Variants in TLE2 observed in about 807,000 individuals in gnomAD.
TLE2 encodes the protein TLE family member 2, transcriptional corepressor.
A neutral mutation model predicts 97.2 loss-of-function variants in TLE2; 74 were observed. The ratio of observed to expected loss-of-function variants is 0.76; its 90% CI spans 0.63 to 0.92. TLE2 has a LOEUF of 0.92. TLE2 is among the 40% of genes least tolerant of loss of function. The pLI is 0.00. For synonymous variants in TLE2, 499 were observed against 432.1 expected (o/e 1.15, Z -1.92); for missense variants, 1,038 against 1,008.7 (o/e 1.03, Z -0.39).
At chr19:3,036,716 T>C (rs912094871) in intron 1 of TLE2, among the ~76,000 whole-genome samples, 21 of 150,868 alleles carry the variant, frequency 1.4e-4, no homozygotes, top group Admixed American at 6.6e-5. Flanking sequence ...TTTACCCAGA[T>C]GCACAGTGAG....
intron 17 of TLE2, 143 bp downstream of exon 17, chr19:3,005,294 G>A: frequency 8.6e-7 from 1 of 1,168,208 alleles, no homozygotes. Flanking sequence ...CTGTGGATGT[G>A]TCTGGGGGAC....
intron 9 of TLE2, among the ~76,000 whole-genome samples, 199 bp from the exon 10 acceptor site, chr19:3,014,813 G>A (rs2089668144): frequency 6.6e-6 from 1 of 152,052 alleles, no homozygotes; most frequent in African/African-American, 2.4e-5. Context: ...GGGAGGCAGG[G>A]CAGGTGGGCA....
At chr19:3,018,225 G>C (rs147356510) in intron 7 of TLE2, among the ~76,000 whole-genome samples, 11 of 151,978 alleles carry the variant, frequency 7.2e-5, no homozygotes, top group Non-Finnish European at 1.6e-4. Context: ...TCGAGTTCCC[G>C]GGCTCAAGTG....
chr19:3,040,982 T>C (rs2090095740), intron 1 of TLE2, among the ~76,000 whole-genome samples: 1 of 133,154 alleles, frequency 7.5e-6, no homozygotes, highest in Admixed American at 7.9e-5. Flanking sequence ...TGACAGCCTC[T>C]GCTGCCATTT....
At chr19:3,014,544 G>A (rs531710458) in intron 10 of TLE2, 26 bp downstream of exon 10, 6 of 1,555,568 alleles carry the variant, frequency 3.9e-6, no homozygotes, top group African/African-American at 2.8e-5. Context: ...CCAGAGTCGG[G>A]GAAGAGGCTG....
At chr19:3,037,999 G>A (rs778540993) in intron 1 of TLE2, among the ~76,000 whole-genome samples, 5 of 152,028 alleles carry the variant, frequency 3.3e-5, no homozygotes, top group African/African-American at 4.8e-5. Flanking sequence ...GCACACGCCT[G>A]TAATCCCAGC....
At chr19:3,030,277 C>T (rs2090012723), upstream of TLE2, among the ~76,000 whole-genome samples, 1 of 152,220 alleles carries the variant, frequency 6.6e-6, no homozygotes, top group African/African-American at 2.4e-5. Context: ...GGAAGAACCA[C>T]AGCTCTGCCA....
At chr19:3,018,218 A>C (rs1450959354) in intron 7 of TLE2, among the ~76,000 whole-genome samples, 1 of 151,868 alleles carries the variant, frequency 6.6e-6, no homozygotes, top group African/African-American at 2.4e-5. Flanking sequence ...TGCAGCCTCG[A>C]GTTCCCGGGC....
intron 10 of TLE2, 143 bp downstream of exon 10, chr19:3,014,427 C>A (rs2089658750): frequency 1.5e-6 from 1 of 675,794 alleles, no homozygotes; most frequent in Non-Finnish European, 2.2e-6. Context: ...GTCCCGGAGT[C>A]CCTGACGCTT....
intron 7 of TLE2, among the ~76,000 whole-genome samples, chr19:3,018,638 A>G (rs1399446939): frequency 6.8e-6 from 1 of 147,834 alleles, no homozygotes; most frequent in East Asian, 2.0e-4. Context: ...TTTTTGAGAC[A>G]GAGTCTCACT....
intron 13 of TLE2, 129 bp from the exon 14 acceptor site, chr19:3,009,074 CT>C (rs1250843120): frequency 3.1e-6 from 2 of 640,238 alleles, no homozygotes; most frequent in Non-Finnish European, 5.1e-6. Context: ...TGCCTTCTCT[CT>C]GCCTGTCACA....
rs772872803 is a variant in TLE2 at position 3,008,852 on chromosome 19, C to T, written c.1250+17G>A. 1 of 1,544,404 alleles carries T rather than the reference C, an allele frequency of 6.5e-7. No individual in the cohort carries two copies. Among genetic ancestry groups the T allele is most frequent in the Admixed American group, 1.9e-5 (1 of 52,232 alleles). On this transcript the variant is annotated intron_variant, in intron 14 of 19. Transcript: ENST00000262953. Reference sequence around the variant, plus strand: ...TGGCCCGGGACCCCAGGCAGGGAGCCCCACCCTGGTACTCACGGCTTTCCC... The same window carrying T: ...TGGCCCGGGACCCCAGGCAGGGAGCTCCACCCTGGTACTCACGGCTTTCCC...
At chr19:3,027,355 C>A (rs982109138) in intron 4 of TLE2, among the ~76,000 whole-genome samples, 1 of 152,242 alleles carries the variant, frequency 6.6e-6, no homozygotes, top group Non-Finnish European at 1.5e-5. Context: ...AATCTTGGAA[C>A]CTTCCAGCCA....
At chr19:2,999,692 A>T (rs1256895477) in intron 19 of TLE2, among the ~76,000 whole-genome samples, 1 of 145,798 alleles carries the variant, frequency 6.9e-6, no homozygotes, top group South Asian at 2.1e-4. Context: ...GTGCCGCTGC[A>T]CTCCAGCCTG....
intron 14 of TLE2, 87 bp downstream of exon 14, chr19:3,008,782 G>A (rs1421301282): frequency 5.7e-5 from 63 of 1,108,842 alleles, no homozygotes; most frequent in Non-Finnish European, 7.2e-5. Flanking sequence ...GGGAAGCAGG[G>A]AGACCCCAAC....
At position 3,028,744 on chromosome 19, in the gene TLE2, G is replaced by C. The variant is rs1244536854; in HGVS notation, c.84C>G (p.Ile28Met). The C allele has an allele frequency of 1.9e-6, 3 of 1,612,942 alleles. No individual in the cohort carries two copies. Among genetic ancestry groups the C allele is most frequent in the South Asian group, 1.1e-5 (1 of 91,078 alleles). The change falls in exon 2 of 20, where the codon ATC (isoleucine) becomes ATG (methionine). Residue 28 changes from isoleucine (I) to methionine (M), a missense_variant. Physicochemically the swap from Ile to Met is conservative, Grantham distance 10 (BLOSUM62 1). Coordinates refer to ENST00000262953, the MANE Select transcript of TLE2 (RefSeq NM_003260.5). ...KFSILEICDR[I>M]KEEFQFLQAQ... ...CCTGAAGAAACTGGAATTCTTCTTTGATGCGGTCGCAGATCTCCAAGATCG... is the reference window on the plus strand; with the variant it reads ...CCTGAAGAAACTGGAATTCTTCTTTCATGCGGTCGCAGATCTCCAAGATCG...
At chr19:3,013,107 G>A (rs1463666217) in intron 11 of TLE2, among the ~76,000 whole-genome samples, 3 of 152,202 alleles carry the variant, frequency 2.0e-5, no homozygotes, top group Non-Finnish European at 4.4e-5. Flanking sequence ...GGTAAGTGTA[G>A]GGGAGGGGTC....
At chr19:3,008,623 G>T (rs1433288632) in intron 14 of TLE2, among the ~76,000 whole-genome samples, 1 of 152,066 alleles carries the variant, frequency 6.6e-6, no homozygotes, top group Non-Finnish European at 1.5e-5. Context: ...GCTAATTTTT[G>T]TATTTTTAGC....
upstream of TLE2, among the ~76,000 whole-genome samples, chr19:3,031,690 A>C (rs1032771761): frequency 2.6e-5 from 4 of 151,992 alleles, no homozygotes; most frequent in Non-Finnish European, 5.9e-5. Context: ...CCCAAGTCAC[A>C]CTGGCCTCAC....
Sources: gnomAD v4.1 joint callset for allele counts (sites outside exome capture counted in the v4.1 genomes callset) on GRCh38, gnomAD v4.1.1 for gene constraint, MANE v1.5 for transcripts, NCBI Gene and HGNC (gene_info 2026-07-23, HGNC 2026-07-21) for gene names.